RBFOX1: variants seen among roughly 807,000 people sequenced by gnomAD.
RBFOX1 encodes RNA binding protein fox-1 homolog 1.
A neutral mutation model predicts 57.7 loss-of-function variants in RBFOX1; 8 were observed. The observed-to-expected ratio is 0.14, with a 90% confidence interval of 0.08 to 0.25. The LOEUF (loss-of-function observed/expected upper bound fraction) is 0.25, where lower values mean the gene tolerates loss of function less well. RBFOX1 is among the 10% of genes least tolerant of loss of function. RBFOX1 has a pLI of 1.00. For synonymous variants in RBFOX1, 326 were observed against 222.4 expected, an observed-to-expected ratio of 1.47 and a Z score of -4.15; for missense variants, 611 against 548.5, an observed-to-expected ratio of 1.11 and a Z score of -1.14.
intron 1 of RBFOX1, among the ~76,000 whole-genome samples, chr16:6,026,563 G>T (rs1222633980): frequency 6.6e-6 from 1 of 152,258 alleles, no homozygotes; most frequent in Non-Finnish European, 1.5e-5. Context: ...AATGTGTGCA[G>T]TGGTTAGGGA....
chr16:7,619,454 G>T (rs527541596), intron 10 of RBFOX1, among the ~76,000 whole-genome samples: 21 of 152,014 alleles, frequency 1.4e-4, no homozygotes, highest in Non-Finnish European at 2.8e-4. Flanking sequence ...GAAAGGTGAC[G>T]TGTATTTTCT....
At chr16:5,511,585 C>T (rs974488404) in intron 2 of RBFOX1, among the ~76,000 whole-genome samples, 1 of 152,122 alleles carries the variant, frequency 6.6e-6, no homozygotes, top group Non-Finnish European at 1.5e-5. Context: ...CAGCTCTGTG[C>T]CTCTTTCCCC....
intron 4 of RBFOX1, among the ~76,000 whole-genome samples, chr16:7,507,536 T>G (rs1452031751): frequency 6.6e-6 from 1 of 151,144 alleles, no homozygotes; most frequent in Non-Finnish European, 1.5e-5. Flanking sequence ...TGTGAAGGCC[T>G]TGGAACGTGA....
At chr16:5,834,551 C>T (rs12709141) in intron 3 of RBFOX1, among the ~76,000 whole-genome samples, 74,064 of 151,188 alleles carry the variant, frequency 0.49, 18,280 homozygotes, top group East Asian at 0.71. Context: ...GTGAATGTGC[C>T]GTGATAAATA....
intron 14 of RBFOX1, among the ~76,000 whole-genome samples, chr16:7,681,836 C>G (rs1002521222): frequency 6.6e-6 from 1 of 152,112 alleles, no homozygotes; most frequent in Non-Finnish European, 1.5e-5. Flanking sequence ...CCCCAGTCCT[C>G]TTATCTGAAC....
intron 4 of RBFOX1, among the ~76,000 whole-genome samples, chr16:7,320,739 C>A (rs532161104): frequency 3.7e-4 from 56 of 152,174 alleles, no homozygotes; most frequent in Admixed American, 1.6e-3. Context: ...TAAGAAACAC[C>A]ATGAATAAAG....
intron 4 of RBFOX1, among the ~76,000 whole-genome samples, chr16:7,325,845 C>G (rs1449117278): frequency 2.6e-5 from 4 of 152,174 alleles, no homozygotes; most frequent in African/African-American, 9.6e-5. Flanking sequence ...TATGTAGCAT[C>G]TCAGGGAATT....
At chr16:5,836,543 A>G (rs1002541491) in intron 3 of RBFOX1, among the ~76,000 whole-genome samples, 1 of 152,158 alleles carries the variant, frequency 6.6e-6, no homozygotes, top group Non-Finnish European at 1.5e-5. Flanking sequence ...CTTCACGTCC[A>G]CTTCATCCCC....
chr16:6,898,294 C>T (rs974267497), intron 3 of RBFOX1, among the ~76,000 whole-genome samples: 1 of 152,126 alleles, frequency 6.6e-6, no homozygotes, highest in Admixed American at 6.5e-5. Context: ...GACCCCTGCC[C>T]CTCCACGACC....
chr16:5,334,422 C>T, intron 1 of RBFOX1, among the ~76,000 whole-genome samples: 1 of 152,196 alleles, frequency 6.6e-6, no homozygotes, highest in East Asian at 1.9e-4. Flanking sequence ...CCTGCTCTGT[C>T]AGACTGTATG....
chr16:6,559,481 C>G (rs1258365789), intron 2 of RBFOX1, among the ~76,000 whole-genome samples: 3 of 151,956 alleles, frequency 2.0e-5, no homozygotes, highest in South Asian at 4.2e-4. Context: ...TTATCCTGAA[C>G]TATGCATTTT....
chr16:5,436,505 C>G (rs1045645579), intron 1 of RBFOX1, among the ~76,000 whole-genome samples: 8 of 152,172 alleles, frequency 5.3e-5, no homozygotes, highest in African/African-American at 1.9e-4. Flanking sequence ...CAGAACTCGT[C>G]TTTTTTACAT....
chr16:5,247,548 A>C (rs1015787161), intron 1 of RBFOX1, among the ~76,000 whole-genome samples: 2 of 152,176 alleles, frequency 1.3e-5, no homozygotes, highest in Non-Finnish European at 2.9e-5. Flanking sequence ...ACGCTGTAGC[A>C]GAGGAGGCAG....
At chr16:7,005,526 A>G (rs1278853103) in intron 3 of RBFOX1, among the ~76,000 whole-genome samples, 1 of 152,218 alleles carries the variant, frequency 6.6e-6, no homozygotes, top group Non-Finnish European at 1.5e-5. Flanking sequence ...GTACAATGAT[A>G]AGTGTTCTGT....
intron 4 of RBFOX1, among the ~76,000 whole-genome samples, chr16:7,130,343 T>G (rs2069935577): frequency 1.3e-5 from 2 of 152,114 alleles, no homozygotes. Context: ...GCCTGAAGAC[T>G]GATTATTTTT....
At chr16:6,944,514 A>G (rs900676151) in intron 3 of RBFOX1, among the ~76,000 whole-genome samples, 1 of 152,156 alleles carries the variant, frequency 6.6e-6, no homozygotes, top group Non-Finnish European at 1.5e-5. Context: ...GATCAGAGTG[A>G]TAGTAACCAG....
intron 3 of RBFOX1, among the ~76,000 whole-genome samples, chr16:5,677,601 C>G (rs191490603): frequency 4.3e-4 from 66 of 152,318 alleles, no homozygotes; most frequent in Middle Eastern, 3.4e-3. Flanking sequence ...ACTAGATTAA[C>G]TTCTATGGAT....
chr16:6,843,499 T>C lies in RBFOX1; in HGVS notation c.-16+188849T>C, dbSNP rs763650479. ...GTCAGGAGATCGAGACCATCCTGGC[T>C]AACACTGTGAAACCCCGTCTGTACT... is the stretch of plus-strand genomic sequence containing the variant. On this transcript the variant is annotated intron_variant, in intron 3 of 15. Coordinates refer to ENST00000550418, the MANE Select transcript of RBFOX1 (RefSeq NM_018723.4). Among the ~76,000 whole-genome samples, 9 of 152,010 alleles carry C rather than the reference T, an allele frequency of 5.9e-5. 1 individual carries two copies. Among genetic ancestry groups the C allele is most frequent in the Admixed American group, 1.3e-4 (2 of 15,262 alleles).
intron 3 of RBFOX1, among the ~76,000 whole-genome samples, chr16:6,961,102 C>T (rs1403580534): frequency 2.9e-5 from 4 of 139,570 alleles, no homozygotes; most frequent in Admixed American, 1.5e-4. Flanking sequence ...GAGATCATGC[C>T]ACTGCATTCC....
Sources: gnomAD v4.1 joint callset for allele counts (sites outside exome capture counted in the v4.1 genomes callset) on GRCh38, gnomAD v4.1.1 for gene constraint, MANE v1.5 for transcripts, NCBI Gene and HGNC (gene_info 2026-07-23, HGNC 2026-07-21) for gene names.